Variants in ARSL observed in about 807,000 individuals in gnomAD.
ARSL encodes arylsulfatase L.
In ARSL, 4 loss-of-function variants were observed where a neutral mutation model predicts 31.1. The ratio of observed to expected loss-of-function variants is 0.13; its 90% CI spans 0.06 to 0.29. The LOEUF (loss-of-function observed/expected upper bound fraction) is 0.29. Among genes scored for constraint, ARSL ranks in the 10% least tolerant of loss-of-function variants. The pLI is 1.00. For synonymous variants in ARSL, 198 were observed against 209.9 expected (o/e 0.94, Z 0.49); for missense variants, 312 against 497.8 (o/e 0.63, Z 3.55).
At chrX:2,966,427 A>G (rs915993652), upstream of ARSL, among the ~76,000 whole-genome samples, 2 of 109,035 alleles carry the variant, frequency 1.8e-5, no homozygotes, top group African/African-American at 6.6e-5. Flanking sequence ...TAATTATTAT[A>G]TATAATATAG....
At chrX:2,946,691 A>G (rs1257786523) in intron 6 of ARSL, among the ~76,000 whole-genome samples, 2 of 106,633 alleles carry the variant, frequency 1.9e-5, no homozygotes, top group African/African-American at 6.8e-5. Flanking sequence ...TCATTTTGAG[A>G]CGGATTGTGG....
At chrX:2,935,312 TAAAC>T in intron 10 of ARSL, 122 bp from the exon 11 acceptor site, 1 of 610,049 alleles carries the variant, frequency 1.6e-6, no homozygotes, top group Non-Finnish European at 2.7e-6. Context: ...GATGGACAGA[TAAAC>T]AAAACATGGT....
intron 5 of ARSL, 122 bp downstream of exon 5, chrX:2,953,021 T>C (rs1245197576): frequency 1.1e-6 from 1 of 885,824 alleles, no homozygotes; most frequent in Non-Finnish European, 1.6e-6. Context: ...CCTAGATACA[T>C]GCAGCTTTCT....
rs375386476 is a variant in ARSL, at chrX:2,938,086, G to A, written c.1289+9C>T. On this transcript the variant is annotated intron_variant, in intron 9 of 10. Transcript: ENST00000381134. ...CAAAGCTGAATTGTTTCTTTGGGTT[G>A]TTCTGTACCTGTCCTGGGGCACCTC... The A allele has an allele frequency of 2.4e-4, 285 of 1,209,946 alleles. No individual in the cohort carries two copies. In the African/African-American group the frequency reaches 4.4e-3, roughly 19 times the overall value.
chrX:2,936,680 G>T, intron 10 of ARSL, 62 bp downstream of exon 10: 2 of 1,195,011 alleles, frequency 1.7e-6, no homozygotes, highest in Non-Finnish European at 2.3e-6. Flanking sequence ...CTAGGGCATG[G>T]TGCTTTCCTG....
At chrX:2,937,994 T>G in intron 9 of ARSL, 101 bp downstream of exon 9, 1 of 1,140,684 alleles carries the variant, frequency 8.8e-7, no homozygotes, top group Non-Finnish European at 1.2e-6. Context: ...GGGGAACAAT[T>G]TCAGGGACGC....
At chrX:2,956,453 T>G (rs910748926) in intron 3 of ARSL, among the ~76,000 whole-genome samples, 1 of 110,928 alleles carries the variant, frequency 9.0e-6, no homozygotes, top group African/African-American at 3.3e-5. Flanking sequence ...ATTTCTCCTG[T>G]ATGTTTGTTT....
At chrX:2,964,405 CCCA>C, upstream of ARSL, 1 of 752,626 alleles carries the variant, frequency 1.3e-6, no homozygotes, top group African/African-American at 2.3e-5. Flanking sequence ...GCAGACTCCC[CCCA>C]CATCGCAGCA....
intron 4 of ARSL, 36 bp from the exon 5 acceptor site, chrX:2,953,301 C>T: frequency 3.4e-6 from 4 of 1,187,925 alleles, no homozygotes; most frequent in Non-Finnish European, 2.3e-6. Flanking sequence ...ATTACTGTTC[C>T]ACATTTTTTT....
At chrX:2,953,296 T>A in intron 4 of ARSL, 31 bp from the exon 5 acceptor site, 2 of 1,192,632 alleles carry the variant, frequency 1.7e-6, no homozygotes, top group Non-Finnish European at 2.3e-6. Flanking sequence ...AAAGAATTAC[T>A]GTTCCACATT....
chrX:2,958,590 T>C (rs1007928475), intron 2 of ARSL, among the ~76,000 whole-genome samples, 155 bp from the exon 3 acceptor site: 2 of 112,526 alleles, frequency 1.8e-5, no homozygotes, highest in Non-Finnish European at 3.7e-5. Flanking sequence ...TTTTCTCTGG[T>C]TACAATTAAC....
intron 5 of ARSL, among the ~76,000 whole-genome samples, chrX:2,951,627 A>G (rs1285268815): frequency 9.5e-6 from 1 of 105,593 alleles, no homozygotes; most frequent in African/African-American, 3.4e-5. Context: ...AAAAAAAAAA[A>G]AAAAAAAAGA....
intron 10 of ARSL, 70 bp from the exon 11 acceptor site, chrX:2,935,260 C>T: frequency 9.4e-7 from 1 of 1,063,349 alleles, no homozygotes. Flanking sequence ...ATGGCATCTT[C>T]ATAGGGCTAA....
At position 2,959,481 on chromosome X, in the gene ARSL, G is replaced by A. The variant is rs1022349032; in HGVS notation, c.23+897C>T. 6 of 929,801 alleles carry A rather than the reference G, an allele frequency of 6.5e-6. No individual in the cohort carries two copies. The Admixed American group carries it at 2.0e-4, about 32-fold the overall frequency. The allele number at this position is 929,801 out of a possible 1,213,427, so 76.6% of individuals were successfully genotyped here. A position where few individuals can be genotyped will look rare whatever the true frequency, so the allele number is the denominator to read the frequency against. On this transcript the variant is annotated intron_variant, in intron 2 of 10. Coordinates refer to ENST00000381134, the MANE Select transcript of ARSL (RefSeq NM_000047.3). ...TGCACATGGACAGCAGGGCCATAGT[G>A]TCCCAATCCCCAGTGGGATGCAGTA...
chrX:2,950,301 G>T (rs1261751213), intron 5 of ARSL, among the ~76,000 whole-genome samples: 1 of 112,159 alleles, frequency 8.9e-6, no homozygotes, highest in Non-Finnish European at 1.9e-5. Context: ...TCTATTGTGA[G>T]CTGGATCCTG....
At position 2,938,119 on chromosome X, in the gene ARSL, G is replaced by A. The variant is rs758398497; in HGVS notation, c.1265C>T (p.Ala422Val). 36 of 1,210,129 alleles carry A rather than the reference G, an allele frequency of 3.0e-5. No homozygotes were observed. The highest frequency in any genetic ancestry group is 1.2e-4 in the African/African-American group (7 of 57,327). The change falls in exon 9 of 11, where the codon GCG becomes GTG. Residue 422 changes from alanine (A) to valine (V), a missense_variant. Coordinates refer to ENST00000381134, the MANE Select transcript of ARSL (RefSeq NM_000047.3). ...CCTGTCCTGGGGCACCTCGCCGCCC[G>A]CCAGCCGGACCACGGTGGGGAACAC... is the stretch of plus-strand genomic sequence containing the variant. ...MDVFPTVVRL[A>V]GGEVPQDRVI...
intron 1 of ARSL, among the ~76,000 whole-genome samples, chrX:2,960,907 G>C (rs1337730868): frequency 9.0e-6 from 1 of 111,630 alleles, no homozygotes; most frequent in Non-Finnish European, 1.9e-5. Context: ...AATCTGAGTA[G>C]AGGGTATGAA....
chrX:2,960,429 C>G lies in ARSL; in HGVS notation c.-20-9G>C, dbSNP rs770612327. 8.2e-5 allele frequency: 98 copies of G among 1,202,050 alleles called. No individual in the cohort carries two copies. Among genetic ancestry groups the G allele is most frequent in the Non-Finnish European group, 1.1e-4 (98 of 891,306 alleles). On this transcript the variant is annotated splice_polypyrimidine_tract_variant and intron_variant, in intron 1 of 10. Coordinates refer to ENST00000381134, the MANE Select transcript of ARSL (RefSeq NM_000047.3). ...GTCTCTCTCTCTACTTCCTGTAAGA[C>G]ATAAAGATGTCCACAATCACATTGA...
intron 10 of ARSL, among the ~76,000 whole-genome samples, chrX:2,936,320 A>C (rs759224685): frequency 6.3e-5 from 7 of 111,242 alleles, no homozygotes; most frequent in Non-Finnish European, 1.1e-4. Context: ...AAATAATTAC[A>C]AAAAAATAAG....
Sources: gnomAD v4.1 joint callset for allele counts (sites outside exome capture counted in the v4.1 genomes callset) on GRCh38, gnomAD v4.1.1 for gene constraint, MANE v1.5 for transcripts, NCBI Gene and HGNC (gene_info 2026-07-23, HGNC 2026-07-21) for gene names.